The following AQP7B variants were observed in gnomAD, a reference collection of about 807,000 sequenced individuals.
The protein encoded by AQP7B is aquaporin 7B.
chr2:94,604,498 C>T, the AQP7B span: 24 of 1,610,658 alleles, frequency 1.5e-5, no homozygotes, highest in East Asian at 2.2e-5. Context: ...CCCTCATCTC[C>T]GTGAGCCTTG....
At chr2:94,590,295 G>T in the AQP7B span, among the ~76,000 whole-genome samples, 3 of 152,162 alleles carry the variant, frequency 2.0e-5, no homozygotes, top group South Asian at 6.2e-4. Flanking sequence ...TGATTCTCAC[G>T]TCTCAGCCCC....
chr2:94,604,047 C>G, the AQP7B span: 1 of 733,218 alleles, frequency 1.4e-6, no homozygotes, highest in Non-Finnish European at 2.3e-6. Flanking sequence ...CCCAGGTGGC[C>G]TGGGGAGCAG....
At chr2:94,594,190 G>T in the AQP7B span, among the ~76,000 whole-genome samples, 1 of 152,072 alleles carries the variant, frequency 6.6e-6, no homozygotes. Flanking sequence ...GCATTTTGCT[G>T]ACCCCTTCAT....
At chr2:94,603,406 G>A in the AQP7B span, 7 of 1,608,098 alleles carry the variant, frequency 4.4e-6, no homozygotes, top group Non-Finnish European at 5.1e-6. Context: ...CTTTTCGGGT[G>A]GAGAGCTGAT....
the AQP7B span, among the ~76,000 whole-genome samples, chr2:94,593,272 C>A: frequency 6.7e-6 from 1 of 149,782 alleles, no homozygotes; most frequent in African/African-American, 2.5e-5. Flanking sequence ...AGAAGGCTGG[C>A]GGGTAAAGGA....
the AQP7B span, chr2:94,594,819 G>C: frequency 6.4e-7 from 1 of 1,563,298 alleles, no homozygotes; most frequent in African/African-American, 1.4e-5. Context: ...AGGAAGATGA[G>C]AGGAAGATGG....
At chr2:94,596,886 G>A in the AQP7B span, among the ~76,000 whole-genome samples, 1 of 152,180 alleles carries the variant, frequency 6.6e-6, no homozygotes, top group African/African-American at 2.4e-5. Flanking sequence ...TTTTAGTAGA[G>A]ATGGGGTTTC....
At chr2:94,604,369 C>G in the AQP7B span, 1 of 1,611,510 alleles carries the variant, frequency 6.2e-7, no homozygotes, top group Non-Finnish European at 8.5e-7. Flanking sequence ...ACCTGGTCTT[C>G]ATTGGCTCCA....
the AQP7B span, among the ~76,000 whole-genome samples, chr2:94,594,473 G>T: frequency 6.6e-6 from 1 of 152,164 alleles, no homozygotes; most frequent in Non-Finnish European, 1.5e-5. Context: ...CCACTTGCCC[G>T]TCTGCAAAGT....
chr2:94,589,633 T>C, the AQP7B span, among the ~76,000 whole-genome samples: 1 of 152,178 alleles, frequency 6.6e-6, no homozygotes, highest in South Asian at 2.1e-4. Context: ...GTTGTATACT[T>C]GGACGGAGAG....
the AQP7B span, chr2:94,603,626 G>C: frequency 7.6e-7 from 1 of 1,314,298 alleles, no homozygotes; most frequent in Non-Finnish European, 1.0e-6. Context: ...ACGTCTCTCT[G>C]CTGGTGGGCT....
the AQP7B span, among the ~76,000 whole-genome samples, chr2:94,600,949 G>A: frequency 2.7e-4 from 41 of 152,270 alleles, no homozygotes; most frequent in Admixed American, 1.9e-3. Context: ...GAGAGGCTGA[G>A]GTGGGAGGAT....
the AQP7B span, among the ~76,000 whole-genome samples, chr2:94,592,588 G>A: frequency 6.6e-6 from 1 of 152,080 alleles, no homozygotes; most frequent in Admixed American, 6.5e-5. Flanking sequence ...GACAGTCCTG[G>A]GAAGGTACCA....
At chr2:94,592,819 T>A in the AQP7B span, among the ~76,000 whole-genome samples, 1 of 128,206 alleles carries the variant, frequency 7.8e-6, no homozygotes, top group Non-Finnish European at 1.7e-5. Flanking sequence ...AAGCTTTTTT[T>A]TTTTTTTTTT....
At chr2:94,600,994 C>T in the AQP7B span, among the ~76,000 whole-genome samples, 1 of 152,168 alleles carries the variant, frequency 6.6e-6, no homozygotes, top group Non-Finnish European at 1.5e-5. Context: ...TGCAATGAGC[C>T]CTGATCATGG....
the AQP7B span, chr2:94,603,037 G>C: frequency 6.3e-7 from 1 of 1,596,270 alleles, no homozygotes; most frequent in Non-Finnish European, 8.5e-7. Flanking sequence ...CTGCCCGCAG[G>C]AGCCCACATG....
At chr2:94,593,039 G>A in the AQP7B span, among the ~76,000 whole-genome samples, 13 of 151,736 alleles carry the variant, frequency 8.6e-5, no homozygotes, top group African/African-American at 7.3e-5. Context: ...TACTGCCCAG[G>A]CTGGTCTTGA....
At chr2:94,591,287 C>A in the AQP7B span, among the ~76,000 whole-genome samples, 6 of 152,180 alleles carry the variant, frequency 3.9e-5, no homozygotes, top group African/African-American at 1.4e-4. Flanking sequence ...CCTCCTTGTC[C>A]ATTCTCCCAC....
the AQP7B span, among the ~76,000 whole-genome samples, chr2:94,597,068 T>C: frequency 6.6e-6 from 1 of 152,144 alleles, no homozygotes; most frequent in African/African-American, 2.4e-5. Flanking sequence ...CAGCACCCAG[T>C]GTGGTACCCA....
Sources: gnomAD v4.1 joint callset for allele counts (sites outside exome capture counted in the v4.1 genomes callset) on GRCh38, gnomAD v4.1.1 for gene constraint, MANE v1.5 for transcripts, NCBI Gene and HGNC (gene_info 2026-07-23, HGNC 2026-07-21) for gene names.